The following PRKG1 variants were observed in gnomAD, a reference collection of about 807,000 sequenced individuals.
PRKG1 encodes the protein protein kinase cGMP-dependent 1, also known as cGMP-dependent protein kinase 1.
PRKG1 carries 35 observed loss-of-function variants against 88.1 expected under a neutral mutation model. The observed-to-expected ratio is 0.40, with a 90% confidence interval of 0.30 to 0.53. The LOEUF is 0.53. Ranked by LOEUF, PRKG1 falls within the 20% of genes least tolerant of loss-of-function variation. The pLI is 0.59. For missense variants in PRKG1, 540 were observed against 839.8 expected, an observed-to-expected ratio of 0.64 and a Z score of 4.41; for synonymous variants, 303 against 292.5, an observed-to-expected ratio of 1.04 and a Z score of -0.37.
intron 8 of PRKG1, among the ~76,000 whole-genome samples, chr10:52,143,312 A>G (rs1260180957): frequency 6.6e-6 from 1 of 152,002 alleles, no homozygotes; most frequent in Non-Finnish European, 1.5e-5. Flanking sequence ...TTGGGGTCAG[A>G]TAGTTGTTTT....
chr10:51,252,970 A>G (rs1240681682), intron 2 of PRKG1, among the ~76,000 whole-genome samples: 1 of 151,852 alleles, frequency 6.6e-6, no homozygotes, highest in African/African-American at 2.4e-5. Context: ...ATGTGTGATT[A>G]TCAAACCAAC....
intron 5 of PRKG1, among the ~76,000 whole-genome samples, chr10:52,028,197 G>C (rs10823978): frequency 6.6e-6 from 1 of 151,862 alleles, no homozygotes; most frequent in African/African-American, 2.4e-5. Flanking sequence ...CACCCAGGTC[G>C]AACAGACTAT....
intron 2 of PRKG1, among the ~76,000 whole-genome samples, chr10:51,344,539 T>TA: frequency 6.6e-6 from 1 of 152,336 alleles, no homozygotes; most frequent in African/African-American, 2.4e-5. Context: ...TTTCTCTGCT[T>TA]AAGCAATCAT....
intron 5 of PRKG1, among the ~76,000 whole-genome samples, chr10:51,998,843 T>C (rs1281369542): frequency 6.6e-6 from 1 of 152,194 alleles, no homozygotes; most frequent in South Asian, 2.1e-4. Flanking sequence ...TTCCCTTCAC[T>C]GTCAAAGTCA....
intron 2 of PRKG1, among the ~76,000 whole-genome samples, chr10:51,278,587 A>C (rs1483225620): frequency 6.6e-6 from 1 of 151,958 alleles, no homozygotes; most frequent in Non-Finnish European, 1.5e-5. Context: ...CTGGTCCTGG[A>C]CTTTTTTTGG....
rs149777360 is a variant in PRKG1 at position 51,557,952 on chromosome 10, A to G, written c.592+90116A>G. Among the ~76,000 whole-genome samples, 40 of 152,224 alleles carry G rather than the reference A, an allele frequency of 2.6e-4. No homozygotes were observed. In the East Asian group the frequency reaches 7.5e-3, roughly 29 times the overall value. ...AAAATCAATAGAAATATTGGATTCA[A>G]TATGCAGTTTTCAATTTCCAATCAA... On this transcript the variant is annotated intron_variant, in intron 3 of 17. Transcript: ENST00000373980.
At chr10:52,089,012 C>A (rs1487095812) in intron 7 of PRKG1, among the ~76,000 whole-genome samples, 1 of 152,096 alleles carries the variant, frequency 6.6e-6, no homozygotes, top group African/African-American at 2.4e-5. Flanking sequence ...AAATGTTATA[C>A]AATGAACACG....
intron 4 of PRKG1, among the ~76,000 whole-genome samples, chr10:51,833,688 A>G (rs1185627644): frequency 6.6e-6 from 1 of 152,200 alleles, no homozygotes; most frequent in East Asian, 1.9e-4. Flanking sequence ...TTTATCATTT[A>G]TTTGTGGTGA....
intron 4 of PRKG1, among the ~76,000 whole-genome samples, chr10:51,819,080 G>A (rs1215875745): frequency 1.4e-5 from 2 of 143,652 alleles, no homozygotes; most frequent in Admixed American, 7.0e-5. Flanking sequence ...AAGAAAAGAG[G>A]TTTATTTGAC....
At chr10:51,085,428 T>G (rs998710757) in intron 1 of PRKG1, among the ~76,000 whole-genome samples, 6 of 152,010 alleles carry the variant, frequency 3.9e-5, no homozygotes, top group Non-Finnish European at 8.8e-5. Context: ...AAGAGAGAAA[T>G]AAGAAAATAT....
At chr10:51,148,838 A>G (rs1160281867) in intron 1 of PRKG1, among the ~76,000 whole-genome samples, 7 of 152,196 alleles carry the variant, frequency 4.6e-5, no homozygotes, top group Non-Finnish European at 1.0e-4. Context: ...CAAATTTAGT[A>G]ACATTTTAAA....
chr10:52,059,899 A>G (rs1241968063), intron 6 of PRKG1, among the ~76,000 whole-genome samples: 2 of 151,964 alleles, frequency 1.3e-5, no homozygotes, highest in African/African-American at 4.8e-5. Flanking sequence ...AGGCATATCT[A>G]TAACAAGAAA....
chr10:51,051,402 T>C (rs548531762), intron 1 of PRKG1, among the ~76,000 whole-genome samples: 2 of 152,286 alleles, frequency 1.3e-5, no homozygotes, highest in African/African-American at 4.8e-5. Flanking sequence ...CCCAGTAGCA[T>C]TTATTGAGTG....
At chr10:51,046,195 C>T (rs768531599) in intron 1 of PRKG1, among the ~76,000 whole-genome samples, 2 of 152,186 alleles carry the variant, frequency 1.3e-5, no homozygotes, top group Non-Finnish European at 2.9e-5. Flanking sequence ...TATGCTTGTT[C>T]GTCTTCTCCA....
At chr10:51,007,894 C>T (rs1842956923) in intron 1 of PRKG1, among the ~76,000 whole-genome samples, 1 of 152,170 alleles carries the variant, frequency 6.6e-6, no homozygotes, top group African/African-American at 2.4e-5. Flanking sequence ...AATTAATTTG[C>T]TCTTCTCAAC....
intron 2 of PRKG1, among the ~76,000 whole-genome samples, chr10:51,251,652 C>T (rs1221053719): frequency 6.6e-6 from 1 of 151,492 alleles, no homozygotes; most frequent in African/African-American, 2.4e-5. Flanking sequence ...TATTTTTTAC[C>T]CCATAAAGTT....
intron 5 of PRKG1, among the ~76,000 whole-genome samples, chr10:52,013,569 G>A (rs1432344835): frequency 6.6e-6 from 1 of 152,176 alleles, no homozygotes; most frequent in Non-Finnish European, 1.5e-5. Context: ...CTAAACTATA[G>A]GTACAGCATA....
intron 3 of PRKG1, among the ~76,000 whole-genome samples, chr10:51,474,236 G>A (rs1181845549): frequency 1.3e-5 from 2 of 151,900 alleles, no homozygotes; most frequent in African/African-American, 2.4e-5. Context: ...AGGACCATAA[G>A]TCTGACACTA....
intron 1 of PRKG1, among the ~76,000 whole-genome samples, chr10:51,103,525 G>A (rs942098807): frequency 5.9e-5 from 9 of 152,150 alleles, no homozygotes; most frequent in African/African-American, 1.7e-4. Context: ...ATGATAGACC[G>A]AAGACATTTC....
Sources: allele counts gnomAD v4.1 joint callset (sites outside exome capture counted in the v4.1 genomes callset), GRCh38; gene constraint gnomAD v4.1.1; transcripts MANE v1.5; gene names NCBI Gene and HGNC (gene_info 2026-07-23, HGNC 2026-07-21).